The following ELOVL6 variants were observed in gnomAD, a reference collection of about 807,000 sequenced individuals.
The protein encoded by ELOVL6 is very long chain fatty acid elongase 6.
In ELOVL6, 8 loss-of-function variants were observed where a neutral mutation model predicts 31.7. The observed-to-expected ratio is 0.25, with a 90% CI of 0.15 to 0.45. ELOVL6 has a LOEUF of 0.45. Among genes scored for constraint, ELOVL6 ranks in the 20% least tolerant of loss-of-function variants. The pLI, the probability that ELOVL6 is intolerant of heterozygous loss-of-function variation, is 1.00. For synonymous variants in ELOVL6, 101 were observed against 117.7 expected (o/e 0.86, Z 0.92); for missense variants, 126 against 326.4 (o/e 0.39, Z 4.73).
intron 1 of ELOVL6, among the ~76,000 whole-genome samples, chr4:110,113,269 A>G (rs1578489972): frequency 6.7e-6 from 1 of 149,560 alleles, no homozygotes; most frequent in Non-Finnish European, 1.5e-5. Flanking sequence ...ATCACCCCCA[A>G]GTCAAAACCT....
chr4:110,093,088 C>T (rs1412837368), intron 2 of ELOVL6: 17 of 449,094 alleles, frequency 3.8e-5, no homozygotes, highest in Admixed American at 7.4e-5. Context: ...TTTGGTAAAA[C>T]GATTTAAAGA....
Position 110,046,505 on chromosome 4 carries a change from AGT to A in ELOVL6, c.*4831_*4832del, listed in dbSNP as rs1368842212. 2 of 152,228 alleles carry A rather than the reference AGT, an allele frequency of 1.3e-5. No individual in the cohort carries two copies. The highest frequency in any genetic ancestry group is 4.8e-5 in the African/African-American group (2 of 41,452). 9.4% of individuals were successfully genotyped at this position (152,228 alleles called of 1,614,324 possible). ...AACTTCCACATCACTTCCTTTAAAA[AGT>A]GTCAATCAGGAGGAAGGGAAGCCTG... On this transcript the variant is annotated 3_prime_UTR_variant, in exon 4 of 4. Coordinates refer to ENST00000302274, the MANE Select transcript of ELOVL6 (RefSeq NM_024090.3).
chr4:110,065,355 A>C (rs1276159237), intron 2 of ELOVL6, among the ~76,000 whole-genome samples: 4 of 152,196 alleles, frequency 2.6e-5, no homozygotes. Context: ...GGCTGGGCAC[A>C]ATGGCTCATG....
At chr4:110,133,587 G>C (rs1418325593) in intron 1 of ELOVL6, among the ~76,000 whole-genome samples, 2 of 152,074 alleles carry the variant, frequency 1.3e-5, no homozygotes, top group Non-Finnish European at 2.9e-5. Context: ...AGAGGACAGG[G>C]AAAAAGGGAA....
intron 2 of ELOVL6, among the ~76,000 whole-genome samples, chr4:110,104,328 AAGG>A (rs1244341314): frequency 6.6e-6 from 1 of 152,224 alleles, no homozygotes; most frequent in East Asian, 1.9e-4. Flanking sequence ...ATTGAACTGG[AAGG>A]AGATTTTAGT....
At chr4:110,063,950 C>T (rs1022596604) in intron 2 of ELOVL6, among the ~76,000 whole-genome samples, 7 of 151,212 alleles carry the variant, frequency 4.6e-5, no homozygotes, top group South Asian at 2.1e-4. Flanking sequence ...CGGTGGTACA[C>T]GCCTGTAATC....
intron 2 of ELOVL6, among the ~76,000 whole-genome samples, chr4:110,094,205 T>C (rs1292857328): frequency 6.8e-6 from 1 of 146,806 alleles, no homozygotes; most frequent in Non-Finnish European, 1.5e-5. Context: ...GCCAAGATTG[T>C]GCCACTGCAC....
At chr4:110,115,899 A>G (rs1757156227) in intron 1 of ELOVL6, among the ~76,000 whole-genome samples, 1 of 152,110 alleles carries the variant, frequency 6.6e-6, no homozygotes, top group African/African-American at 2.4e-5. Context: ...GCCTTTTCCA[A>G]CATCTAGAGT....
chr4:110,179,172 C>T (rs975657742), intron 1 of ELOVL6, among the ~76,000 whole-genome samples: 4 of 151,610 alleles, frequency 2.6e-5, no homozygotes, highest in Non-Finnish European at 4.4e-5. Flanking sequence ...ATTTAATTGA[C>T]GAGACAAATA....
Position 110,051,467 on chromosome 4 carries a change from G to T in ELOVL6, c.669C>A (p.Asp223Glu). 2 of 1,614,190 alleles carry T rather than the reference G, an allele frequency of 1.2e-6. No homozygotes were observed. Among genetic ancestry groups the T allele is most frequent in the South Asian group, 1.1e-5 (1 of 91,092 alleles). ...TGTTCTGAAAGTGAGAGTGACACTG[G>T]TCATGCTGCATCCAGCAGAAGACCA... ...NYLVFCWMQH[D>E]QCHSHFQNIF... is the part of the protein sequence containing the mutation. Residue 223 changes from aspartate (D) to glutamate (E), a missense_variant, in exon 4 of 4, where the codon GAC becomes GAA. Coordinates refer to ENST00000302274, the MANE Select transcript of ELOVL6 (RefSeq NM_024090.3). This position sits in a 1 kb window ranked among gnomAD's most constrained non-coding sequence, Gnocchi z 4.8.
At chr4:110,084,024 T>TGTTATATA (rs1756010374) in intron 2 of ELOVL6, among the ~76,000 whole-genome samples, 1 of 60,946 alleles carries the variant, frequency 1.6e-5, no homozygotes, top group African/African-American at 6.5e-5. Flanking sequence ...ATATAACATA[T>TGTTATATA]GCCATATATG....
intron 1 of ELOVL6, among the ~76,000 whole-genome samples, chr4:110,122,997 A>G (rs1244981226): frequency 6.6e-6 from 1 of 152,088 alleles, no homozygotes; most frequent in African/African-American, 2.4e-5. Context: ...GTCTGTTTGT[A>G]TTTTACACAC....
At chr4:110,144,055 A>T (rs1758039144) in intron 1 of ELOVL6, among the ~76,000 whole-genome samples, 1 of 10,778 alleles carries the variant, frequency 9.3e-5, no homozygotes, top group Non-Finnish European at 1.9e-4. Flanking sequence ...ACTCCATCTC[A>T]AAAAAAAAAA....
At chr4:110,147,659 T>C (rs1758156765) in intron 1 of ELOVL6, among the ~76,000 whole-genome samples, 1 of 150,368 alleles carries the variant, frequency 6.7e-6, no homozygotes, top group Non-Finnish European at 1.5e-5. Context: ...GGTATGGTGG[T>C]GTGTGCCTGT....
intron 1 of ELOVL6, among the ~76,000 whole-genome samples, chr4:110,191,295 G>C (rs1759614545): frequency 6.6e-6 from 1 of 152,178 alleles, no homozygotes; most frequent in South Asian, 2.1e-4. Flanking sequence ...ATGAAGTTAT[G>C]AGTTTTAACA....
At chr4:110,160,319 T>C (rs1172137166) in intron 1 of ELOVL6, among the ~76,000 whole-genome samples, 1 of 152,204 alleles carries the variant, frequency 6.6e-6, no homozygotes, top group African/African-American at 2.4e-5. Context: ...CTTTGCTCAA[T>C]ATTGTTTTCC....
chr4:110,084,606 T>C lies in ELOVL6; in HGVS notation c.221+20891A>G, dbSNP rs1268730801. On this transcript the variant is annotated intron_variant, in intron 2 of 3. Coordinates refer to ENST00000302274, the MANE Select transcript of ELOVL6 (RefSeq NM_024090.3). ...TATATATATTTTTTTTTTTTTTTTTTTTTTTTGAGATGGAGTCTTGCTCTG... is the reference window on the plus strand; with the variant it reads ...TATATATATTTTTTTTTTTTTTTTTCTTTTTTGAGATGGAGTCTTGCTCTG... Among the ~76,000 whole-genome samples, 15 of 97,798 alleles carry C rather than the reference T, an allele frequency of 1.5e-4. 1 individual carries two copies. The highest frequency in any genetic ancestry group is 9.4e-4 in the Admixed American group (8 of 8,546). 64.2% of individuals were successfully genotyped at this position (97,798 alleles called of 152,430 possible).
At chr4:110,143,393 G>A (rs1758020126) in intron 1 of ELOVL6, among the ~76,000 whole-genome samples, 1 of 152,032 alleles carries the variant, frequency 6.6e-6, no homozygotes, top group Non-Finnish European at 1.5e-5. Flanking sequence ...TGGCGCTCCT[G>A]CATCTGAGAA....
At chr4:110,129,063 A>G (rs1207402851) in intron 1 of ELOVL6, among the ~76,000 whole-genome samples, 1 of 152,242 alleles carries the variant, frequency 6.6e-6, no homozygotes, top group Admixed American at 6.5e-5. Flanking sequence ...GGACAGGCTT[A>G]TCTTGCTTTA....
Sources: allele counts gnomAD v4.1 joint callset (sites outside exome capture counted in the v4.1 genomes callset), GRCh38; gene constraint gnomAD v4.1.1; non-coding constraint Gnocchi (gnomAD v3.1); transcripts MANE v1.5; gene names NCBI Gene and HGNC (gene_info 2026-07-23, HGNC 2026-07-21).